The following BRINP3 variants were observed in gnomAD, a reference collection of about 807,000 sequenced individuals.
BRINP3 encodes the protein BMP/retinoic acid-inducible neural-specific protein 3.
In BRINP3, 19 loss-of-function variants were observed where a neutral mutation model predicts 71.0. The observed-to-expected ratio is 0.27, with a 90% confidence interval of 0.19 to 0.39. The LOEUF (loss-of-function observed/expected upper bound fraction) is 0.39, where lower values mean the gene tolerates loss of function less well. Among genes scored for constraint, BRINP3 ranks in the 10% least tolerant of loss-of-function variants. BRINP3 has a pLI of 1.00. For missense variants in BRINP3, 959 were observed against 940.8 expected, an observed-to-expected ratio of 1.02 and a Z score of -0.25; for synonymous variants, 380 against 337.7, an observed-to-expected ratio of 1.13 and a Z score of -1.37.
chr1:190,378,128 A>G lies in BRINP3; in HGVS notation c.236+76527T>C, dbSNP rs1461176236. Among the ~76,000 whole-genome samples, 3 of 152,150 alleles carry G rather than the reference A, an allele frequency of 2.0e-5. No homozygotes were observed. In the East Asian group the frequency reaches 5.8e-4, roughly 29 times the overall value. On this transcript the variant is annotated intron_variant, in intron 2 of 7. Transcript: ENST00000367462. ...CTTCTTGACCTCAAAACCTACTTCA[A>G]AGTTAAACCAAACATGGAAATTACC... is the stretch of plus-strand genomic sequence containing the variant.
intron 4 of BRINP3, among the ~76,000 whole-genome samples, chr1:190,253,251 T>C (rs979289479): frequency 1.3e-5 from 2 of 152,154 alleles, no homozygotes; most frequent in Non-Finnish European, 2.9e-5. Context: ...TGGATGTGTC[T>C]TATATTAGCA....
intron 2 of BRINP3, among the ~76,000 whole-genome samples, chr1:190,354,374 G>T (rs945598557): frequency 7.9e-5 from 12 of 151,802 alleles, no homozygotes; most frequent in African/African-American, 2.9e-4. Context: ...GAATTATACA[G>T]CCCAAAATGT....
chr1:190,308,513 G>A (rs576797929), intron 2 of BRINP3, among the ~76,000 whole-genome samples: 84 of 151,638 alleles, frequency 5.5e-4, no homozygotes, highest in Non-Finnish European at 1.0e-3. Flanking sequence ...AAGGGGGGAG[G>A]GATAGCATTA....
chr1:190,118,974 G>T (rs1419815127), intron 7 of BRINP3, among the ~76,000 whole-genome samples: 5 of 152,028 alleles, frequency 3.3e-5, no homozygotes, highest in Non-Finnish European at 7.4e-5. Context: ...TTCCTGGTTT[G>T]CTCAATTGTG....
At chr1:190,153,664 T>C (rs1447380286) in intron 7 of BRINP3, among the ~76,000 whole-genome samples, 3 of 152,198 alleles carry the variant, frequency 2.0e-5, no homozygotes, top group Non-Finnish European at 4.4e-5. Flanking sequence ...CATTAATATA[T>C]AAATGCAATT....
intron 2 of BRINP3, among the ~76,000 whole-genome samples, chr1:190,414,433 G>A (rs1672885006): frequency 6.6e-6 from 1 of 151,614 alleles, no homozygotes. Context: ...GTTTATTTTT[G>A]TGTAAAATTA....
intron 3 of BRINP3, among the ~76,000 whole-genome samples, chr1:190,281,135 A>T (rs12024510): frequency 0.21 from 31,392 of 151,846 alleles, 3,690 homozygotes; most frequent in Middle Eastern, 0.3. Context: ...ATCTGTATCA[A>T]CTACAATCAG....
chr1:190,212,060 A>G (rs1656034605), intron 6 of BRINP3, among the ~76,000 whole-genome samples: 1 of 152,144 alleles, frequency 6.6e-6, no homozygotes, highest in Non-Finnish European at 1.5e-5. Context: ...CCATAACGAT[A>G]TCATGTAAAT....
intron 6 of BRINP3, among the ~76,000 whole-genome samples, chr1:190,201,526 C>G (rs1047319784): frequency 2.6e-5 from 4 of 152,168 alleles, no homozygotes; most frequent in Admixed American, 2.0e-4. Flanking sequence ...ATGTTAATCA[C>G]CAAGAAAATA....
intron 6 of BRINP3, among the ~76,000 whole-genome samples, chr1:190,217,687 TA>T (rs1656529235): frequency 6.6e-6 from 1 of 152,060 alleles, no homozygotes; most frequent in Admixed American, 6.6e-5. Context: ...TTCAATGTTG[TA>T]ATTTTCAATA....
At chr1:190,366,299 G>A (rs1204924731) in intron 2 of BRINP3, among the ~76,000 whole-genome samples, 1 of 152,112 alleles carries the variant, frequency 6.6e-6, no homozygotes, top group African/African-American at 2.4e-5. Flanking sequence ...TGGCAGCAAA[G>A]AGAAGTGCTG....
At chr1:190,110,267 C>T (rs1250708207) in intron 7 of BRINP3, among the ~76,000 whole-genome samples, 1 of 152,120 alleles carries the variant, frequency 6.6e-6, no homozygotes, top group South Asian at 2.1e-4. Flanking sequence ...AGGTAGAACT[C>T]ATGCTCTCAA....
chr1:190,267,640 T>A (rs1319587576), intron 3 of BRINP3, among the ~76,000 whole-genome samples: 3 of 152,066 alleles, frequency 2.0e-5, no homozygotes, highest in African/African-American at 7.2e-5. Flanking sequence ...AGTAGCTTCT[T>A]TCAGGAGAAA....
chr1:190,438,953 G>T (rs1159817784), intron 2 of BRINP3, among the ~76,000 whole-genome samples: 1 of 151,764 alleles, frequency 6.6e-6, no homozygotes, highest in Non-Finnish European at 1.5e-5. Flanking sequence ...AGTATTTTCA[G>T]GCCTCTCTGT....
intron 2 of BRINP3, among the ~76,000 whole-genome samples, chr1:190,291,700 T>C (rs536661549): frequency 6.6e-6 from 1 of 152,282 alleles, no homozygotes; most frequent in South Asian, 2.1e-4. Context: ...TTGCACACAG[T>C]TGGTGAGAAC....
intron 7 of BRINP3, among the ~76,000 whole-genome samples, chr1:190,114,957 A>G (rs1653004494): frequency 6.6e-6 from 1 of 152,170 alleles, no homozygotes; most frequent in Non-Finnish European, 1.5e-5. Flanking sequence ...GGATTCTCAT[A>G]GCTATCCTAT....
intron 2 of BRINP3, among the ~76,000 whole-genome samples, chr1:190,423,447 T>G (rs1318870397): frequency 6.6e-6 from 1 of 151,802 alleles, no homozygotes; most frequent in Non-Finnish European, 1.5e-5. Context: ...TAAATAAACA[T>G]TATAAATATT....
chr1:190,243,074 A>G (rs1349629657), intron 4 of BRINP3, among the ~76,000 whole-genome samples: 4 of 152,144 alleles, frequency 2.6e-5, no homozygotes, highest in Non-Finnish European at 5.9e-5. Context: ...AGTGAGAGAG[A>G]CTATGCTAAT....
At chr1:190,352,031 T>C (rs943729734) in intron 2 of BRINP3, among the ~76,000 whole-genome samples, 2 of 152,004 alleles carry the variant, frequency 1.3e-5, no homozygotes, top group African/African-American at 4.8e-5. Context: ...CTTTATTTTT[T>C]TCTGTATCCA....
Sources: allele counts gnomAD v4.1 joint callset (sites outside exome capture counted in the v4.1 genomes callset), GRCh38; gene constraint gnomAD v4.1.1; transcripts MANE v1.5; gene names NCBI Gene and HGNC (gene_info 2026-07-23, HGNC 2026-07-21).